The following CDH9 variants were observed in gnomAD, a reference collection of about 807,000 sequenced individuals.
CDH9 encodes the protein cadherin 9.
A neutral mutation model predicts 70.9 loss-of-function variants in CDH9; 28 were observed. The observed-to-expected ratio is 0.40, with a 90% CI of 0.29 to 0.54. The LOEUF (loss-of-function observed/expected upper bound fraction) is 0.54. Ranked by LOEUF, CDH9 falls within the 20% of genes least tolerant of loss-of-function variation. The probability of loss-of-function intolerance (pLI) is 0.59; values close to 1 mark genes in which losing one functional copy is unlikely to be tolerated. For missense variants in CDH9, 874 were observed against 984.4 expected (o/e 0.89, Z 1.50); for synonymous variants, 409 against 343.1 (o/e 1.19, Z -2.12).
In CDH9 at chr5:27,035,675, C is replaced by CGTGT. The variant is rs56317555; in HGVS notation, c.-50+2784_-50+2787dup. Among the ~76,000 whole-genome samples the CGTGT allele has an allele frequency of 4.2e-3, 595 of 142,868 alleles. 3 individuals carry two copies. The highest frequency in any genetic ancestry group is 0.034 in the East Asian group (156 of 4,622). 93.7% of individuals were successfully genotyped at this position (142,868 alleles called of 152,430 possible). A position where few individuals can be genotyped will look rare whatever the true frequency, so the allele number is the denominator to read the frequency against. ...TACTCTATGTTAATATTGCTATTGA[C>CGTGT]GTGTGTGTGTGTGTGTGTGTGTGTG... On this transcript the variant is annotated intron_variant, in intron 1 of 11. Coordinates refer to ENST00000231021, the MANE Select transcript of CDH9 (RefSeq NM_016279.4).
At chr5:26,932,632 CTA>C (rs1291316232) in intron 2 of CDH9, among the ~76,000 whole-genome samples, 1 of 152,040 alleles carries the variant, frequency 6.6e-6, no homozygotes, top group East Asian at 1.9e-4. Context: ...TCTCTTTAAT[CTA>C]TATTTGACTT....
chr5:26,988,346 C>A lies in CDH9; in HGVS notation c.-13G>T. 6.2e-7 allele frequency: 1 copy of A among 1,603,204 alleles called. No homozygotes were observed. Among genetic ancestry groups the A allele is most frequent in the Non-Finnish European group, 8.5e-7 (1 of 1,172,160 alleles). The stretch of plus-strand genomic sequence containing the variant: ...GGTAAGTCCTCATTATCTGCAACTT[C>A]AGTGGGTTGTCAAATTCAATGTATT... On this transcript the variant is annotated 5_prime_UTR_variant, in exon 2 of 12. Coordinates refer to ENST00000231021, the MANE Select transcript of CDH9 (RefSeq NM_016279.4).
intron 2 of CDH9, among the ~76,000 whole-genome samples, chr5:26,976,884 T>A (rs34033103): frequency 0.13 from 19,369 of 151,952 alleles, 1,720 homozygotes; most frequent in African/African-American, 0.25. Context: ...AAGCATAAAA[T>A]ATTTTGTTAT....
intron 2 of CDH9, among the ~76,000 whole-genome samples, chr5:26,946,059 A>G (rs1041861622): frequency 6.6e-6 from 1 of 152,168 alleles, no homozygotes; most frequent in Non-Finnish European, 1.5e-5. Context: ...CCTAGACACT[A>G]TGAGTAATGG....
In CDH9 at chr5:26,988,124, G is replaced by T. The variant is rs750593026; in HGVS notation, c.210C>A (p.Asp70Glu). ...FFLLEEYTGT[D>E]TQYVGKLHTD... ...TTCTTACCTTGCCTACATATTGTGT[G>T]TCAGTACCTGTGTACTCTTCCAATA... is the stretch of plus-strand genomic sequence containing the variant. Residue 70 changes from aspartate (D) to glutamate (E), a missense_variant, in exon 2 of 12, where the codon GAC becomes GAA. Asp to Glu is a conservative substitution (Grantham distance 45, BLOSUM62 2). Coordinates refer to ENST00000231021, the MANE Select transcript of CDH9 (RefSeq NM_016279.4). 3 of 1,611,122 alleles carry T rather than the reference G, an allele frequency of 1.9e-6. No individual in the cohort carries two copies. Among genetic ancestry groups the T allele is most frequent in the African/African-American group, 2.7e-5 (2 of 74,838 alleles).
intron 1 of CDH9, among the ~76,000 whole-genome samples, chr5:26,998,571 G>T (rs1398791553): frequency 6.6e-6 from 1 of 151,914 alleles, no homozygotes; most frequent in Non-Finnish European, 1.5e-5. Context: ...CACACACCGG[G>T]GTCTGTTGTG....
At chr5:27,036,246 G>A (rs183907684) in intron 1 of CDH9, among the ~76,000 whole-genome samples, 2 of 151,878 alleles carry the variant, frequency 1.3e-5, no homozygotes, top group Admixed American at 6.6e-5. Flanking sequence ...TACCATGGAC[G>A]GGACACTGCA....
chr5:27,004,672 T>A (rs945629805), intron 1 of CDH9, among the ~76,000 whole-genome samples: 2 of 152,124 alleles, frequency 1.3e-5, no homozygotes, highest in African/African-American at 4.8e-5. Context: ...CATTTACTAA[T>A]GAGAGACACA....
At chr5:27,034,391 T>G (rs1743357286) in intron 1 of CDH9, among the ~76,000 whole-genome samples, 1 of 151,696 alleles carries the variant, frequency 6.6e-6, no homozygotes, top group Non-Finnish European at 1.5e-5. Flanking sequence ...ATTATCTTGC[T>G]CATCAAGAGA....
intron 1 of CDH9, among the ~76,000 whole-genome samples, chr5:27,023,674 G>C (rs752135146): frequency 6.6e-6 from 1 of 151,852 alleles, no homozygotes; most frequent in African/African-American, 2.4e-5. Flanking sequence ...GTAATAATCC[G>C]TAACTATATT....
At chr5:26,916,066 G>A (rs1427210000) in intron 2 of CDH9, 142 bp from the exon 3 acceptor site, 2 of 569,340 alleles carry the variant, frequency 3.5e-6, no homozygotes, top group Non-Finnish European at 6.0e-6. Context: ...TGCTGTGAGA[G>A]GGAGTTAAAT....
chr5:26,967,548 T>G (rs2112069151), intron 2 of CDH9, among the ~76,000 whole-genome samples: 1 of 152,300 alleles, frequency 6.6e-6, no homozygotes, highest in Admixed American at 6.5e-5. Flanking sequence ...ATTCACTTAT[T>G]AACTATCAAA....
At chr5:27,022,106 A>G (rs1011599914) in intron 1 of CDH9, among the ~76,000 whole-genome samples, 2 of 152,022 alleles carry the variant, frequency 1.3e-5, no homozygotes, top group Non-Finnish European at 2.9e-5. Context: ...ACGGTTAAGA[A>G]TAGTAATTTC....
intron 2 of CDH9, among the ~76,000 whole-genome samples, chr5:26,945,948 G>A (rs552449893): frequency 1.3e-5 from 2 of 152,156 alleles, no homozygotes; most frequent in East Asian, 3.9e-4. Context: ...CTTGCAAGTG[G>A]ATTATTTAAC....
chr5:27,025,822 A>G (rs1306531316), intron 1 of CDH9, among the ~76,000 whole-genome samples: 2 of 151,992 alleles, frequency 1.3e-5, no homozygotes, highest in Admixed American at 6.6e-5. Flanking sequence ...AGGAGCGTCA[A>G]TCCATTTAAC....
intron 1 of CDH9, among the ~76,000 whole-genome samples, chr5:27,037,029 G>T (rs536415392): frequency 6.6e-6 from 1 of 151,970 alleles, no homozygotes; most frequent in African/African-American, 2.4e-5. Flanking sequence ...GACACACATT[G>T]CCTAGGCAAT....
intron 1 of CDH9, among the ~76,000 whole-genome samples, chr5:27,033,461 G>C (rs990284784): frequency 8.5e-6 from 1 of 116,982 alleles, no homozygotes; most frequent in Non-Finnish European, 2.0e-5. Flanking sequence ...AAGATATAAA[G>C]ACATAGATAG....
At chr5:26,961,984 A>G (rs1742044886) in intron 2 of CDH9, among the ~76,000 whole-genome samples, 1 of 151,296 alleles carries the variant, frequency 6.6e-6, no homozygotes, top group Admixed American at 6.6e-5. Context: ...CTCGCCCCCA[A>G]CTCCCCAACA....
At chr5:26,988,495 T>C in intron 1 of CDH9, 113 bp from the exon 2 acceptor site, 2 of 829,572 alleles carry the variant, frequency 2.4e-6, no homozygotes, top group Admixed American at 3.4e-5. Context: ...ATGTACTATA[T>C]ATACATTATA....
Sources: allele counts gnomAD v4.1 joint callset (sites outside exome capture counted in the v4.1 genomes callset), GRCh38; gene constraint gnomAD v4.1.1; transcripts MANE v1.5; gene names NCBI Gene and HGNC (gene_info 2026-07-23, HGNC 2026-07-21).